The following EBF2 variants were observed in gnomAD, a reference collection of about 807,000 sequenced individuals.
EBF2 encodes EBF transcription factor 2, also known as transcription factor COE2.
Under a neutral mutation model 72.8 loss-of-function variants are expected in EBF2, and 21 were observed. The ratio of observed to expected loss-of-function variants is 0.29; its 90% CI spans 0.20 to 0.42. The LOEUF is 0.42. EBF2 is among the 10% of genes least tolerant of loss of function. The pLI, the probability that EBF2 is intolerant of heterozygous loss-of-function variation, is 1.00. For missense variants in EBF2, 637 were observed against 731.2 expected (o/e 0.87, Z 1.49); for synonymous variants, 299 against 274.2 (o/e 1.09, Z -0.89).
chr8:25,969,221 A>C (rs1292167025), intron 6 of EBF2, among the ~76,000 whole-genome samples: 1 of 152,200 alleles, frequency 6.6e-6, no homozygotes, highest in Non-Finnish European at 1.5e-5. Flanking sequence ...AAACTCCATC[A>C]ATGAGAGTTA....
At chr8:25,985,560 TTCC>T (rs1365452590) in intron 6 of EBF2, among the ~76,000 whole-genome samples, 1 of 152,220 alleles carries the variant, frequency 6.6e-6, no homozygotes, top group Non-Finnish European at 1.5e-5. Flanking sequence ...GGGTTTCAGT[TTCC>T]TCCTCTGTAA....
At chr8:26,038,242 ATATT>A (rs1246297713) in intron 5 of EBF2, among the ~76,000 whole-genome samples, 1 of 152,262 alleles carries the variant, frequency 6.6e-6, no homozygotes, top group Non-Finnish European at 1.5e-5. Flanking sequence ...CACATAATTA[ATATT>A]TATTTTAAAT....
chr8:25,942,090 G>A (rs1281473686), intron 6 of EBF2, among the ~76,000 whole-genome samples: 3 of 152,188 alleles, frequency 2.0e-5, no homozygotes, highest in Non-Finnish European at 4.4e-5. Context: ...GTAAGAGGAT[G>A]ATGTACTGAG....
At chr8:25,865,584 A>G (rs1366456748) in intron 10 of EBF2, among the ~76,000 whole-genome samples, 4 of 152,066 alleles carry the variant, frequency 2.6e-5, no homozygotes, top group Non-Finnish European at 5.9e-5. Context: ...TGCTTGGCAT[A>G]TAAAATATCT....
At chr8:25,993,733 T>C (rs1301186813) in intron 6 of EBF2, among the ~76,000 whole-genome samples, 1 of 152,046 alleles carries the variant, frequency 6.6e-6, no homozygotes. Flanking sequence ...CATTAAAAAA[T>C]GTAATACAGT....
intron 6 of EBF2, among the ~76,000 whole-genome samples, chr8:25,959,705 T>C (rs1019885914): frequency 2.6e-5 from 4 of 152,166 alleles, no homozygotes; most frequent in Non-Finnish European, 5.9e-5. Context: ...CAGGTCCTGA[T>C]GTGTCTACCC....
At chr8:25,857,004 T>G (rs977833740) in intron 14 of EBF2, among the ~76,000 whole-genome samples, 8 of 152,232 alleles carry the variant, frequency 5.3e-5, no homozygotes, top group African/African-American at 1.9e-4. Flanking sequence ...ACTATCTATT[T>G]GACTGCAATA....
intron 7 of EBF2, among the ~76,000 whole-genome samples, chr8:25,897,777 G>T (rs1371875731): frequency 6.6e-6 from 1 of 152,126 alleles, no homozygotes; most frequent in Non-Finnish European, 1.5e-5. Context: ...GAGCATCTAG[G>T]TTGATTCCAT....
chr8:25,947,685 C>G (rs1803793602), intron 6 of EBF2, among the ~76,000 whole-genome samples: 1 of 152,202 alleles, frequency 6.6e-6, no homozygotes, highest in Non-Finnish European at 1.5e-5. Context: ...TGCAACACGA[C>G]ACACTCCCCT....
At position 26,044,985 on chromosome 8, in the gene EBF2, G is replaced by T. The variant is rs7007677; in HGVS notation, c.-126C>A. ...CCAAGAAAAGGGATCAAGTGCCCAA[G>T]TTTGAGTCTTAGAAAAAAAAAAAAG... On this transcript the variant is annotated 5_prime_UTR_variant, in exon 1 of 16. Coordinates refer to ENST00000520164, the MANE Select transcript of EBF2 (RefSeq NM_022659.4). This position sits in a 1 kb window ranked among gnomAD's most constrained non-coding sequence, Gnocchi z 4.1. 2.1e-6 allele frequency: 2 copies of T among 966,768 alleles called. No homozygotes were observed. Among genetic ancestry groups the T allele is most frequent in the East Asian group, 2.6e-5 (1 of 38,678 alleles). 59.9% of individuals were successfully genotyped at this position (966,768 alleles called of 1,614,324 possible).
intron 7 of EBF2, among the ~76,000 whole-genome samples, chr8:25,902,508 C>T (rs1585188885): frequency 6.6e-6 from 1 of 151,716 alleles, no homozygotes; most frequent in East Asian, 1.9e-4. Context: ...TAATAATAAT[C>T]CATTATTTTA....
intron 6 of EBF2, among the ~76,000 whole-genome samples, chr8:25,984,940 A>C: frequency 6.8e-6 from 1 of 146,248 alleles, no homozygotes; most frequent in East Asian, 1.9e-4. Context: ...GCTTCTGAAA[A>C]AAAAAAAAAA....
intron 8 of EBF2, 142 bp downstream of exon 8, chr8:25,889,610 A>C: frequency 1.6e-6 from 1 of 640,342 alleles, no homozygotes; most frequent in Non-Finnish European, 2.7e-6. Flanking sequence ...GTCTGTGTTT[A>C]CAACTTCGTT....
intron 6 of EBF2, among the ~76,000 whole-genome samples, chr8:25,981,612 G>A (rs541251450): frequency 8.6e-5 from 13 of 152,028 alleles, no homozygotes; most frequent in Admixed American, 4.6e-4. Flanking sequence ...CCTGGCCAAC[G>A]TGGCAAAATC....
chr8:25,990,805 G>A (rs924548785), intron 6 of EBF2, among the ~76,000 whole-genome samples: 6 of 152,162 alleles, frequency 3.9e-5, no homozygotes, highest in East Asian at 1.9e-4. Context: ...ATAAACACAC[G>A]TCTTTCAGCT....
rs559110446 is a variant in EBF2 at position 25,997,016 on chromosome 8, A to T, written c.551+36069T>A. On this transcript the variant is annotated intron_variant, in intron 6 of 15. Transcript: ENST00000520164. ...TCTTGCAACAATTTTCATAAAACTA[A>T]AAGAGTTTTATTAAGCAGCCTATGA... 1.1e-4 allele frequency among the ~76,000 whole-genome samples: 16 copies of T among 152,312 alleles called. No individual in the cohort carries two copies. The South Asian group carries it at 3.3e-3, about 32-fold the overall frequency.
At chr8:25,919,790 T>C (rs1803279086) in intron 6 of EBF2, among the ~76,000 whole-genome samples, 1 of 152,200 alleles carries the variant, frequency 6.6e-6, no homozygotes, top group Admixed American at 6.5e-5. Context: ...AGCTGCCTTC[T>C]CTTCTCCTTA....
intron 6 of EBF2, among the ~76,000 whole-genome samples, chr8:26,004,431 T>C (rs1804792796): frequency 6.6e-6 from 1 of 152,050 alleles, no homozygotes; most frequent in African/African-American, 2.4e-5. Flanking sequence ...TTCCAACATT[T>C]TGGGAGGCCA....
chr8:26,024,624 G>A (rs948101496), intron 6 of EBF2, among the ~76,000 whole-genome samples: 2 of 152,160 alleles, frequency 1.3e-5, no homozygotes, highest in South Asian at 2.1e-4. Flanking sequence ...ATATGAACTG[G>A]CAGTAGACTC....
Sources: gnomAD v4.1 joint callset for allele counts (sites outside exome capture counted in the v4.1 genomes callset) on GRCh38, gnomAD v4.1.1 for gene constraint, Gnocchi (gnomAD v3.1) non-coding constraint, MANE v1.5 for transcripts, NCBI Gene and HGNC (gene_info 2026-07-23, HGNC 2026-07-21) for gene names.